Variants in MAPK10 observed in about 807,000 individuals in gnomAD.
MAPK10 encodes mitogen-activated protein kinase 10.
MAPK10 carries 25 observed loss-of-function variants against 59.3 expected under a neutral mutation model. The ratio of observed to expected loss-of-function variants is 0.42; its 90% CI spans 0.31 to 0.59. The LOEUF (loss-of-function observed/expected upper bound fraction) is 0.59. Among genes scored for constraint, MAPK10 ranks in the 20% least tolerant of loss-of-function variants. The pLI is 0.15. For missense variants in MAPK10, 351 were observed against 568.9 expected, an observed-to-expected ratio of 0.62 and a Z score of 3.90; for synonymous variants, 190 against 200.5, an observed-to-expected ratio of 0.95 and a Z score of 0.44.
intron 9 of MAPK10, chr4:86,090,755 G>T (rs2052958468): frequency 6.6e-6 from 1 of 152,046 alleles, no homozygotes; most frequent in African/African-American, 2.4e-5. Flanking sequence ...ATATTTTATA[G>T]ATATTGTGGA....
At chr4:86,507,659 T>TATAG (rs1478876668) in intron 1 of MAPK10, among the ~76,000 whole-genome samples, 2 of 99,732 alleles carry the variant, frequency 2.0e-5, no homozygotes. Context: ...TATATATATA[T>TATAG]ATATATATAT....
At chr4:86,091,263 T>C (rs1238319195) in intron 9 of MAPK10, 1 of 151,448 alleles carries the variant, frequency 6.6e-6, no homozygotes, top group Non-Finnish European at 1.5e-5. Context: ...TACATAATTA[T>C]ATTATATATT....
Position 86,089,328 on chromosome 4 carries a change from C to A in MAPK10, c.802+9196G>T, listed in dbSNP as rs572593787. On this transcript the variant is annotated intron_variant, in intron 9 of 13. Coordinates refer to ENST00000641462, the MANE Select transcript of MAPK10 (RefSeq NM_138982.4). ...AAACAAGAACACAGGAATAGAACAA[C>A]AAATAAATGAAAACACTGGGCTACT... is the stretch of plus-strand genomic sequence containing the variant. The A allele has an allele frequency of 1.1e-4, 146 of 1,277,880 alleles. 1 individual carries two copies. Among genetic ancestry groups the A allele is most frequent in the Admixed American group, 3.7e-4 (21 of 56,504 alleles). The allele number at this position is 1,277,880 out of a possible 1,614,324, so 79.2% of individuals were successfully genotyped here.
intron 2 of MAPK10, among the ~76,000 whole-genome samples, chr4:86,230,844 C>T (rs954714847): frequency 5.5e-4 from 83 of 152,248 alleles, no homozygotes; most frequent in African/African-American, 2.0e-3. Flanking sequence ...AAAGTCTCTG[C>T]CCTTTTAAAT....
chr4:86,089,350 T>A, intron 9 of MAPK10: 1 of 991,244 alleles, frequency 1.0e-6, no homozygotes, highest in Non-Finnish European at 1.6e-6. Flanking sequence ...AACACTGGGC[T>A]ACTCATGCCA....
chr4:86,364,910 G>T (rs915969982), upstream of MAPK10, among the ~76,000 whole-genome samples: 1 of 151,970 alleles, frequency 6.6e-6, no homozygotes, highest in African/African-American at 2.4e-5. Flanking sequence ...AACCCAGAAG[G>T]CAGAGGTTGC....
intron 2 of MAPK10, among the ~76,000 whole-genome samples, chr4:86,244,374 A>AT (rs1328675502): frequency 6.6e-6 from 1 of 152,236 alleles, no homozygotes; most frequent in African/African-American, 2.4e-5. Flanking sequence ...TGCAAAATTT[A>AT]TGCAACAGTA....
chr4:86,298,698 A>T (rs995484936), intron 2 of MAPK10, among the ~76,000 whole-genome samples: 9 of 152,202 alleles, frequency 5.9e-5, no homozygotes, highest in African/African-American at 2.2e-4. Context: ...ATTAATTCAG[A>T]CAGTCAGTGG....
Position 86,140,803 on chromosome 4 carries a change from A to G in MAPK10, c.236+18495T>C, listed in dbSNP as rs1581147031. Among the ~76,000 whole-genome samples the G allele has an allele frequency of 2.6e-5, 4 of 152,318 alleles. No homozygotes were observed. In the South Asian group the frequency reaches 8.3e-4, roughly 32 times the overall value. ...CAAATACACACACACACACGCATGCACGCATAACTATTGGCTGCTAGAGAC... is the reference window on the plus strand; with the variant it reads ...CAAATACACACACACACACGCATGCGCGCATAACTATTGGCTGCTAGAGAC... On this transcript the variant is annotated intron_variant, in intron 4 of 13. Transcript: ENST00000641462.
intron 2 of MAPK10, among the ~76,000 whole-genome samples, chr4:86,202,109 C>T (rs1357784030): frequency 6.6e-6 from 1 of 151,808 alleles, no homozygotes; most frequent in African/African-American, 2.4e-5. Flanking sequence ...GGGTATAGTT[C>T]TTATACTCTT....
intron 1 of MAPK10, among the ~76,000 whole-genome samples, chr4:86,543,772 AC>A (rs1005259066): frequency 1.6e-4 from 25 of 152,196 alleles, no homozygotes; most frequent in Admixed American, 7.2e-4. Context: ...TCCAAAAAAA[AC>A]AGGAACGGGA....
chr4:86,499,414 C>T (rs977489384), intron 1 of MAPK10, among the ~76,000 whole-genome samples: 2 of 152,124 alleles, frequency 1.3e-5, no homozygotes, highest in African/African-American at 4.8e-5. Flanking sequence ...ACAGCAAGAA[C>T]ATTTCCAGAC....
Position 86,308,979 on chromosome 4 carries a change from TAGTC to T in MAPK10, c.-7+45547_-7+45550del, listed in dbSNP as rs199738154. Among the ~76,000 whole-genome samples the T allele has an allele frequency of 5.6e-3, 854 of 152,286 alleles. 9 individuals are homozygous for T. The highest frequency in any genetic ancestry group is 0.02 in the African/African-American group (812 of 41,556). On this transcript the variant is annotated intron_variant, in intron 2 of 13. Coordinates refer to ENST00000641462, the MANE Select transcript of MAPK10 (RefSeq NM_138982.4). Reference sequence around the variant, plus strand: ...AGTCCTTAGAATAGCTCCTGGCACATAGTCAGGTGCTATTTAAATACTGCTATCA... The same window carrying T: ...AGTCCTTAGAATAGCTCCTGGCACATAGGTGCTATTTAAATACTGCTATCA...
intron 1 of MAPK10, among the ~76,000 whole-genome samples, chr4:86,440,612 A>G (rs538146337): frequency 6.7e-6 from 1 of 148,952 alleles, no homozygotes; most frequent in East Asian, 2.0e-4. Context: ...TGGGTGACAG[A>G]GCGAGATCCT....
At chr4:86,156,149 G>T (rs1161437965) in intron 4 of MAPK10, among the ~76,000 whole-genome samples, 1 of 151,988 alleles carries the variant, frequency 6.6e-6, no homozygotes, top group Non-Finnish European at 1.5e-5. Flanking sequence ...ACAAATACGG[G>T]TACGTATACA....
chr4:86,249,419 C>A (rs970859612), intron 2 of MAPK10, among the ~76,000 whole-genome samples: 2 of 152,152 alleles, frequency 1.3e-5, no homozygotes, highest in Admixed American at 1.3e-4. Flanking sequence ...AGGGGTGGAC[C>A]TGTGCCCACC....
chr4:86,507,846 C>A (rs1755918510), intron 1 of MAPK10, among the ~76,000 whole-genome samples: 1 of 149,972 alleles, frequency 6.7e-6, no homozygotes, highest in South Asian at 2.1e-4. Context: ...GCACCAATGC[C>A]TGATAACAAG....
At chr4:86,507,250 A>G (rs1755808264) in intron 1 of MAPK10, among the ~76,000 whole-genome samples, 1 of 152,130 alleles carries the variant, frequency 6.6e-6, no homozygotes, top group African/African-American at 2.4e-5. Flanking sequence ...TAAACATAAA[A>G]GAATAAATGA....
At chr4:86,176,721 C>G (rs182453453) in intron 3 of MAPK10, among the ~76,000 whole-genome samples, 1 of 152,170 alleles carries the variant, frequency 6.6e-6, no homozygotes, top group East Asian at 1.9e-4. Context: ...TAACTGTGTT[C>G]ACCTGTGGAT....
Sources: allele counts gnomAD v4.1 joint callset (sites outside exome capture counted in the v4.1 genomes callset), GRCh38; gene constraint gnomAD v4.1.1; transcripts MANE v1.5; gene names NCBI Gene and HGNC (gene_info 2026-07-23, HGNC 2026-07-21).